The following TRIM16 variants were observed in gnomAD, a reference collection of about 807,000 sequenced individuals.
TRIM16 encodes tripartite motif containing 16.
TRIM16 carries 33 observed loss-of-function variants against 50.4 expected under a neutral mutation model. The observed-to-expected ratio is 0.65, with a 90% CI of 0.50 to 0.88. TRIM16 has a LOEUF of 0.88. Ranked by LOEUF, TRIM16 falls within the 40% of genes least tolerant of loss-of-function variation. TRIM16 has a pLI of 0.00. For synonymous variants in TRIM16, 229 were observed against 270.7 expected (o/e 0.85, Z 1.51); for missense variants, 581 against 686.8 (o/e 0.85, Z 1.72).
intron 3 of TRIM16, among the ~76,000 whole-genome samples, chr17:15,682,417 G>A (rs1344023537): frequency 6.6e-6 from 1 of 152,188 alleles, no homozygotes; most frequent in Non-Finnish European, 1.5e-5. Context: ...CTGAGGGCAG[G>A]ATATTATAGG....
intron 8 of TRIM16, among the ~76,000 whole-genome samples, chr17:15,637,141 C>G (rs1279721518): frequency 7.2e-6 from 1 of 139,540 alleles, no homozygotes; most frequent in South Asian, 2.3e-4. Flanking sequence ...GCCCCCCGCC[C>G]GGCCAGCCGC....
intron 4 of TRIM16, among the ~76,000 whole-genome samples, chr17:15,679,354 T>C (rs1010338699): frequency 6.6e-6 from 1 of 152,114 alleles, no homozygotes; most frequent in Non-Finnish European, 1.5e-5. Flanking sequence ...CAGGAAACAA[T>C]GTGTCAATTT....
intron 6 of TRIM16, among the ~76,000 whole-genome samples, chr17:15,661,604 A>C (rs1340844054): frequency 6.6e-6 from 1 of 152,090 alleles, no homozygotes; most frequent in African/African-American, 2.4e-5. Flanking sequence ...CTGCAGTCCA[A>C]ATGGTGCCCA....
chr17:15,638,258 T>TAAAAAAAAAA (rs535590168), intron 8 of TRIM16, among the ~76,000 whole-genome samples: 2 of 115,080 alleles, frequency 1.7e-5, no homozygotes, highest in African/African-American at 7.1e-5. Flanking sequence ...AAAATAAATT[T>TAAAAAAAAAA]AAAAAAAAAA....
At chr17:15,639,747 C>T in intron 8 of TRIM16, among the ~76,000 whole-genome samples, 1 of 149,420 alleles carries the variant, frequency 6.7e-6, no homozygotes, top group Non-Finnish European at 1.5e-5. Context: ...ATGGGAGGCT[C>T]AGAGCACTGT....
intron 6 of TRIM16, among the ~76,000 whole-genome samples, chr17:15,667,736 T>C (rs535562969): frequency 6.6e-6 from 1 of 152,266 alleles, no homozygotes; most frequent in Admixed American, 6.5e-5. Context: ...CCACACCCAA[T>C]AGGGGTACAT....
rs147662252 is a variant in TRIM16 at position 15,632,623 on chromosome 17, C to T, written c.901G>A (p.Val301Ile). Reference protein sequence around the residue: ...TEDITFPSVYVGLKDKLSGIR... With the variant: ...TEDITFPSVYIGLKDKLSGIR... ...CCCGAGAGTTTATCCTTCAGCCCTA[C>T]GTAAACACTAGGGAAGGTGATGTCT... Residue 301 changes from valine to isoleucine, a missense_variant, in exon 10 of 12, where the codon GTA becomes ATA. By Grantham distance (29) the Val-to-Ile change is conservative (BLOSUM62 3). Around this residue, in one of 3 missense-constraint regions of TRIM16, gnomAD observed 450 missense variants for 544.3 expected, o/e 0.83. Coordinates refer to ENST00000649191, the MANE Select transcript of TRIM16 (RefSeq NM_001348119.1). 12 of 1,613,758 alleles carry T rather than the reference C, an allele frequency of 7.4e-6. No homozygotes were observed. Among genetic ancestry groups the T allele is most frequent in the Admixed American group, 6.7e-5 (4 of 60,002 alleles).
At chr17:15,648,185 C>T (rs1300148750) in intron 7 of TRIM16, among the ~76,000 whole-genome samples, 3 of 150,654 alleles carry the variant, frequency 2.0e-5, no homozygotes, top group East Asian at 2.0e-4. Flanking sequence ...GAGATTGCAC[C>T]GCTGCACTCC....
chr17:15,654,648 T>TA, intron 6 of TRIM16, among the ~76,000 whole-genome samples: 1 of 152,224 alleles, frequency 6.6e-6, no homozygotes, highest in East Asian at 1.9e-4. Context: ...ACTAGGCAGA[T>TA]AAACTCAAGT....
At chr17:15,639,016 CACAG>C (rs1403756297) in intron 8 of TRIM16, among the ~76,000 whole-genome samples, 2 of 144,738 alleles carry the variant, frequency 1.4e-5, no homozygotes, top group African/African-American at 2.6e-5. Flanking sequence ...GGTGGGAAGA[CACAG>C]ACAATCTCCC....
intron 6 of TRIM16, among the ~76,000 whole-genome samples, chr17:15,667,655 T>C (rs945083724): frequency 2.0e-5 from 3 of 152,342 alleles, no homozygotes; most frequent in Admixed American, 6.5e-5. Context: ...AAGAATTCCA[T>C]CATTTCTATG....
At chr17:15,636,290 A>G in intron 8 of TRIM16, 21 bp from the exon 9 acceptor site, 1 of 1,606,750 alleles carries the variant, frequency 6.2e-7, no homozygotes. Flanking sequence ...GTGGGGGTGG[A>G]AGGCAGCCAA....
At position 15,628,605 on chromosome 17, in the gene TRIM16, C is replaced by T; in HGVS notation, c.*10G>A. 6.3e-7 allele frequency: 1 copy of T among 1,587,512 alleles called. No homozygotes were observed. Among genetic ancestry groups the T allele is most frequent in the Middle Eastern group, 1.7e-4 (1 of 5,838 alleles). On this transcript the variant is annotated 3_prime_UTR_variant, in exon 12 of 12. Coordinates refer to ENST00000649191, the MANE Select transcript of TRIM16 (RefSeq NM_001348119.1). ...TAGCTGGCAAAGGTCTGGGATATGG[C>T]TCCTGGAGTCTAGGGAGCAGTCCCC...
At chr17:15,646,896 G>A (rs1987409652) in intron 7 of TRIM16, among the ~76,000 whole-genome samples, 1 of 151,912 alleles carries the variant, frequency 6.6e-6, no homozygotes, top group Non-Finnish European at 1.5e-5. Context: ...AATACTTACA[G>A]CCTGGGAGAA....
At chr17:15,679,495 C>T (rs940525322) in intron 4 of TRIM16, among the ~76,000 whole-genome samples, 5 of 152,208 alleles carry the variant, frequency 3.3e-5, no homozygotes, top group African/African-American at 4.8e-5. Context: ...AGGCCCATTA[C>T]ACCTGTTAAC....
intron 1 of TRIM16, chr17:15,683,415 C>G (rs1329034056): frequency 6.4e-6 from 2 of 311,708 alleles, no homozygotes; most frequent in Non-Finnish European, 1.2e-5. Flanking sequence ...GATACTGTGC[C>G]TGATGAATAC....
intron 7 of TRIM16, among the ~76,000 whole-genome samples, chr17:15,648,096 A>G (rs1307905085): frequency 6.6e-6 from 1 of 151,826 alleles, no homozygotes; most frequent in Non-Finnish European, 1.5e-5. Flanking sequence ...CGTGGTGGCG[A>G]GCACCTGTAG....
At chr17:15,658,344 T>C (rs1988068415) in intron 6 of TRIM16, among the ~76,000 whole-genome samples, 2 of 152,212 alleles carry the variant, frequency 1.3e-5, no homozygotes, top group African/African-American at 4.8e-5. Context: ...CTAAAGAAGC[T>C]ATCCAAGCGT....
chr17:15,642,845 G>A, intron 7 of TRIM16, 29 bp from the exon 8 acceptor site: 1 of 580,462 alleles, frequency 1.7e-6, no homozygotes. Context: ...GAATTAAGGA[G>A]GAAGGAGCCC....
Sources: allele counts gnomAD v4.1 joint callset (sites outside exome capture counted in the v4.1 genomes callset), GRCh38; gene constraint gnomAD v4.1.1; regional missense constraint gnomAD v4.1.1; transcripts MANE v1.5; gene names NCBI Gene and HGNC (gene_info 2026-07-23, HGNC 2026-07-21).